Variants in SLC15A1 observed in about 807,000 individuals in gnomAD.
The protein encoded by SLC15A1 is solute carrier family 15 member 1.
SLC15A1 carries 83 observed loss-of-function variants against 92.9 expected under a neutral mutation model. The observed-to-expected ratio is 0.89, with a 90% confidence interval of 0.75 to 1.07. The LOEUF is 1.07. Ranked by LOEUF, SLC15A1 falls within the 50% of genes least tolerant of loss-of-function variation. The pLI is 0.00. For missense variants in SLC15A1, 857 were observed against 880.1 expected, an observed-to-expected ratio of 0.97 and a Z score of 0.33; for synonymous variants, 322 against 318.2, an observed-to-expected ratio of 1.01 and a Z score of -0.13.
intron 18 of SLC15A1, among the ~76,000 whole-genome samples, chr13:98,695,481 G>A (rs185696734): frequency 4.4e-4 from 67 of 152,122 alleles, no homozygotes; most frequent in African/African-American, 1.6e-3. Context: ...CAACCTCCGT[G>A]CCCCAGGTTC....
intron 18 of SLC15A1, among the ~76,000 whole-genome samples, chr13:98,692,210 G>A (rs1216065279): frequency 7.6e-6 from 1 of 130,876 alleles, no homozygotes; most frequent in Non-Finnish European, 1.6e-5. Context: ...CTGGAGTGCA[G>A]TGGTGCAATC....
chr13:98,694,651 T>A (rs2088007161), intron 18 of SLC15A1, among the ~76,000 whole-genome samples: 1 of 152,228 alleles, frequency 6.6e-6, no homozygotes. Context: ...ATCATCTAAA[T>A]GTCTTTGACT....
chr13:98,718,030 T>C (rs915094629), intron 8 of SLC15A1, among the ~76,000 whole-genome samples: 1 of 147,300 alleles, frequency 6.8e-6, no homozygotes, highest in African/African-American at 2.5e-5. Context: ...GAAAGAATTC[T>C]AGTAGAAACA....
chr13:98,698,985 A>G (rs2088045430), intron 18 of SLC15A1, among the ~76,000 whole-genome samples: 1 of 152,060 alleles, frequency 6.6e-6, no homozygotes, highest in African/African-American at 2.4e-5. Context: ...TTTATAGTAA[A>G]TTGGCTTTTG....
chr13:98,720,523 C>T (rs2139590959), intron 7 of SLC15A1: 1 of 153,288 alleles, frequency 6.5e-6, no homozygotes, highest in Admixed American at 6.4e-5. Context: ...TGGAAGAATA[C>T]ATAAATCCCC....
In SLC15A1 at chr13:98,749,563, A is replaced by G. The variant is rs1285460423; in HGVS notation, c.4+3032T>C. Among the ~76,000 whole-genome samples the G allele has an allele frequency of 1.1e-4, 16 of 152,290 alleles. No individual in the cohort carries two copies. In the South Asian group the frequency reaches 3.1e-3, roughly 30 times the overall value. On this transcript the variant is annotated intron_variant, in intron 1 of 22. Coordinates refer to ENST00000376503, the MANE Select transcript of SLC15A1 (RefSeq NM_005073.4). ...GCACCCCCAGCCCTATGATCCTACG[A>G]AGGCTTCGGAGGCTGCTTTTTCTTA... is the stretch of plus-strand genomic sequence containing the variant.
At chr13:98,720,416 C>T (rs2088247709) in intron 7 of SLC15A1, 1 of 152,210 alleles carries the variant, frequency 6.6e-6, no homozygotes, top group African/African-American at 2.4e-5. Context: ...CGAATAAAAG[C>T]TGTTACATTT....
chr13:98,736,645 GA>G lies in SLC15A1; in HGVS notation c.5-9787del, dbSNP rs1010779221. ...ACAAAGAACTTAAATAAATTTATAA[GA>G]AAAAAATCAAACAACCCCATCAAAA... On this transcript the variant is annotated intron_variant, in intron 1 of 22. Transcript: ENST00000376503. 6.9e-4 allele frequency among the ~76,000 whole-genome samples: 105 copies of G among 151,960 alleles called. 1 individual carries two copies. The highest frequency in any genetic ancestry group is 4.7e-3 in the Admixed American group (72 of 15,266).
intron 15 of SLC15A1, among the ~76,000 whole-genome samples, chr13:98,707,783 T>C (rs1448567515): frequency 6.7e-6 from 1 of 150,342 alleles, no homozygotes; most frequent in Admixed American, 6.7e-5. Context: ...CAGTCCTAGC[T>C]ACTCAGGAGG....
intron 11 of SLC15A1, among the ~76,000 whole-genome samples, chr13:98,710,393 C>G (rs376532130): frequency 6.6e-6 from 1 of 152,144 alleles, no homozygotes; most frequent in African/African-American, 2.4e-5. Context: ...AGCCCCTTTA[C>G]AGTCAACCTA....
intron 21 of SLC15A1, among the ~76,000 whole-genome samples, chr13:98,686,878 A>G (rs1228432964): frequency 6.6e-6 from 1 of 152,128 alleles, no homozygotes; most frequent in Non-Finnish European, 1.5e-5. Context: ...TAATTTGGGT[A>G]TCAATAAAAC....
chr13:98,748,744 G>C (rs368354770), intron 1 of SLC15A1, among the ~76,000 whole-genome samples: 5 of 152,330 alleles, frequency 3.3e-5, no homozygotes. Flanking sequence ...TTAGGGCACA[G>C]TGGCAACATG....
At chr13:98,703,206 G>A (rs1225639571) in intron 17 of SLC15A1, among the ~76,000 whole-genome samples, 1 of 150,286 alleles carries the variant, frequency 6.7e-6, no homozygotes, top group African/African-American at 2.5e-5. Flanking sequence ...GGGAAGGAAG[G>A]AAAGGAAGGA....
Position 98,684,646 on chromosome 13 carries a change from A to C in SLC15A1, c.*78T>G. On this transcript the variant is annotated 3_prime_UTR_variant, in exon 23 of 23. Transcript: ENST00000376503. ...AAGTCTTCCTCATCAGGGGCCATCC[A>C]ATGGAGTGTCCTGCTACCTGGGGGC... The C allele has an allele frequency of 4.4e-6, 5 of 1,133,764 alleles. No homozygotes were observed. The South Asian group carries it at 7.1e-5, about 16-fold the overall frequency. The allele number at this position is 1,133,764 out of a possible 1,614,324, so 70.2% of individuals were successfully genotyped here.
At chr13:98,706,364 G>T in intron 15 of SLC15A1, 111 bp from the exon 16 acceptor site, 1 of 1,229,618 alleles carries the variant, frequency 8.1e-7, no homozygotes, top group Non-Finnish European at 1.1e-6. Flanking sequence ...TGCGCTGGCT[G>T]AAACACGCCA....
At position 98,684,111 on chromosome 13, in the gene SLC15A1, A is replaced by C. The variant is rs1305087136; in HGVS notation, c.*613T>G. The C allele has an allele frequency of 2.6e-5, 4 of 152,282 alleles. No individual in the cohort carries two copies. The highest frequency in any genetic ancestry group is 9.7e-5 in the African/African-American group (4 of 41,440). 9.4% of individuals were successfully genotyped at this position (152,282 alleles called of 1,614,324 possible). A position where few individuals can be genotyped will look rare whatever the true frequency, so the allele number is the denominator to read the frequency against. On this transcript the variant is annotated 3_prime_UTR_variant, in exon 23 of 23. Coordinates refer to ENST00000376503, the MANE Select transcript of SLC15A1 (RefSeq NM_005073.4). ...TTCAAAATTAAGCTAGTCCAAAATAACATCATTTGTGTGATAGGGAAGATG... is the reference window on the plus strand; with the variant it reads ...TTCAAAATTAAGCTAGTCCAAAATACCATCATTTGTGTGATAGGGAAGATG...
chr13:98,749,615 A>C (rs1028464839), intron 1 of SLC15A1, among the ~76,000 whole-genome samples: 12 of 152,160 alleles, frequency 7.9e-5, no homozygotes, highest in Non-Finnish European at 1.6e-4. Context: ...GCATATAAGA[A>C]GTTTTCTGCT....
At chr13:98,710,926 G>C (rs2139581769) in intron 11 of SLC15A1, among the ~76,000 whole-genome samples, 1 of 152,042 alleles carries the variant, frequency 6.6e-6, no homozygotes, top group African/African-American at 2.4e-5. Flanking sequence ...TGCGGAGGGT[G>C]ATTAGCACCC....
chr13:98,726,316 T>A lies in SLC15A1; in HGVS notation c.103+52A>T, dbSNP rs752409321. ...AGGGGGAAACAAAGTTAGGACTGGT[T>A]ATGGCCACTCCCGCTCTTCCCTGAA... On this transcript the variant is annotated intron_variant, in intron 3 of 22. Transcript: ENST00000376503. The A allele has an allele frequency of 3.1e-6, 5 of 1,613,806 alleles. No individual in the cohort carries two copies. The African/African-American group carries it at 6.7e-5, about 22-fold the overall frequency.
Sources: allele counts gnomAD v4.1 joint callset (sites outside exome capture counted in the v4.1 genomes callset), GRCh38; gene constraint gnomAD v4.1.1; transcripts MANE v1.5; gene names NCBI Gene and HGNC (gene_info 2026-07-23, HGNC 2026-07-21).